The following ZRANB3 variants were observed in gnomAD, a reference collection of about 807,000 sequenced individuals.
ZRANB3 encodes DNA annealing helicase and endonuclease ZRANB3.
A neutral mutation model predicts 133.8 loss-of-function variants in ZRANB3; 125 were observed. That is an observed-to-expected ratio of 0.93 (90% CI 0.81 to 1.08). The LOEUF (loss-of-function observed/expected upper bound fraction) is 1.08, where lower values mean the gene tolerates loss of function less well. ZRANB3 is among the 50% of genes least tolerant of loss of function. The pLI, the probability that ZRANB3 is intolerant of heterozygous loss-of-function variation, is 0.00. For missense variants in ZRANB3, 1,229 were observed against 1,275.5 expected (o/e 0.96, Z 0.56); for synonymous variants, 387 against 432.7 (o/e 0.89, Z 1.31).
At chr2:135,434,706 A>G (rs980555818) in intron 2 of ZRANB3, among the ~76,000 whole-genome samples, 1 of 152,264 alleles carries the variant, frequency 6.6e-6, no homozygotes, top group African/African-American at 2.4e-5. Context: ...TCCATTAAAT[A>G]TGAGTGTACT....
At chr2:135,472,316 C>T (rs1320070976) in intron 2 of ZRANB3, among the ~76,000 whole-genome samples, 2 of 151,860 alleles carry the variant, frequency 1.3e-5, no homozygotes, top group South Asian at 2.1e-4. Context: ...CTGGCTAACA[C>T]GGTGAAACCC....
chr2:135,314,047 A>G (rs1054677919), intron 7 of ZRANB3, among the ~76,000 whole-genome samples: 1 of 152,176 alleles, frequency 6.6e-6, no homozygotes. Flanking sequence ...TATTTTTAGT[A>G]GAGACAGGGT....
intron 1 of ZRANB3, among the ~76,000 whole-genome samples, chr2:135,508,597 T>A (rs563244355): frequency 6.6e-6 from 1 of 152,200 alleles, no homozygotes; most frequent in Non-Finnish European, 1.5e-5. Flanking sequence ...AATTTAAGAT[T>A]ATAGTGTGGT....
At chr2:135,468,807 G>C (rs1057254876) in intron 2 of ZRANB3, among the ~76,000 whole-genome samples, 1 of 152,156 alleles carries the variant, frequency 6.6e-6, no homozygotes, top group Non-Finnish European at 1.5e-5. Flanking sequence ...AGATCTGACA[G>C]ACATATTTGC....
At chr2:135,289,031 T>C (rs13386074) in intron 8 of ZRANB3, among the ~76,000 whole-genome samples, 4,508 of 152,068 alleles carry the variant, frequency 0.03, 209 homozygotes, top group African/African-American at 0.1. Flanking sequence ...GTCTTATTAG[T>C]GCTCTTTCAC....
chr2:135,388,937 G>A (rs1235607331), intron 3 of ZRANB3, among the ~76,000 whole-genome samples: 1 of 152,132 alleles, frequency 6.6e-6, no homozygotes, highest in Non-Finnish European at 1.5e-5. Flanking sequence ...AATTAGCCGG[G>A]TGTGGTGGCA....
chr2:135,336,591 G>A (rs1684380985), intron 6 of ZRANB3, among the ~76,000 whole-genome samples: 3 of 152,294 alleles, frequency 2.0e-5, no homozygotes, highest in Non-Finnish European at 4.4e-5. Flanking sequence ...GAAAGAAAAT[G>A]CCTTTTGAGA....
Position 135,315,563 on chromosome 2 carries a change from T to C in ZRANB3, c.678-33A>G, listed in dbSNP as rs771663281. 112 of 1,374,140 alleles carry C rather than the reference T, an allele frequency of 8.2e-5. 1 individual carries two copies. Among genetic ancestry groups the C allele is most frequent in the Non-Finnish European group, 6.7e-5 (71 of 1,053,556 alleles). 85.1% of individuals were successfully genotyped at this position (1,374,140 alleles called of 1,614,324 possible). A position where few individuals can be genotyped will look rare whatever the true frequency, so the allele number is the denominator to read the frequency against. On this transcript the variant is annotated intron_variant, in intron 6 of 20. Transcript: ENST00000264159. ...AATGAAGACAAAACATGTAGCAAAA[T>C]TGAATGCTGGAGTTAAGAAAATAAT... is the stretch of plus-strand genomic sequence containing the variant.
intron 12 of ZRANB3, among the ~76,000 whole-genome samples, chr2:135,262,159 C>CAAAAAA (rs755264566): frequency 6.3e-5 from 4 of 63,956 alleles, no homozygotes; most frequent in African/African-American, 9.8e-5. Flanking sequence ...ACTCCATCTC[C>CAAAAAA]AAAAAAAAAA....
At chr2:135,517,445 A>G (rs1161990679) in intron 1 of ZRANB3, among the ~76,000 whole-genome samples, 1 of 151,986 alleles carries the variant, frequency 6.6e-6, no homozygotes, top group East Asian at 1.9e-4. Context: ...TGACCTTCAG[A>G]TGGGATTTTT....
At chr2:135,467,571 C>T (rs989858820) in intron 2 of ZRANB3, among the ~76,000 whole-genome samples, 5 of 152,206 alleles carry the variant, frequency 3.3e-5, no homozygotes, top group African/African-American at 7.2e-5. Context: ...TCTCAGAAAC[C>T]TTTACTATTG....
In ZRANB3 at chr2:135,390,900, C is replaced by G. The variant is rs1687201439; in HGVS notation, c.162-80G>C. 12 of 1,400,076 alleles carry G rather than the reference C, an allele frequency of 8.6e-6. No homozygotes were observed. The Middle Eastern group carries it at 8.2e-4, about 95-fold the overall frequency. The allele number at this position is 1,400,076 out of a possible 1,614,324, so 86.7% of individuals were successfully genotyped here. A position where few individuals can be genotyped will look rare whatever the true frequency, so the allele number is the denominator to read the frequency against. ...TTTTTGAGATGGAGTCTCGCTCTGT[C>G]ACCAGGCTGGAGTGCAGTGGTGCGA... On this transcript the variant is annotated intron_variant, in intron 2 of 20. Coordinates refer to ENST00000264159, the MANE Select transcript of ZRANB3 (RefSeq NM_032143.4).
At chr2:135,461,104 G>A (rs1352253995) in intron 2 of ZRANB3, among the ~76,000 whole-genome samples, 1 of 152,148 alleles carries the variant, frequency 6.6e-6, no homozygotes, top group East Asian at 1.9e-4. Flanking sequence ...GCCTGAAAAT[G>A]ACCACTGAAG....
At chr2:135,501,177 AT>A (rs565857039) in intron 2 of ZRANB3, among the ~76,000 whole-genome samples, 47 of 151,852 alleles carry the variant, frequency 3.1e-4, no homozygotes, top group African/African-American at 1.0e-3. Flanking sequence ...AATTAGACTG[AT>A]TTTTTTTTAT....
intron 2 of ZRANB3, among the ~76,000 whole-genome samples, chr2:135,437,768 T>C (rs1689610232): frequency 6.6e-6 from 1 of 152,158 alleles, no homozygotes. Context: ...GAGAATCTAA[T>C]ATAGTTAATT....
chr2:135,337,503 ATT>A (rs1684419536), intron 6 of ZRANB3, among the ~76,000 whole-genome samples: 1 of 152,208 alleles, frequency 6.6e-6, no homozygotes, highest in Admixed American at 6.5e-5. Context: ...GCTGCTGTTG[ATT>A]TCCTAGTGGA....
intron 2 of ZRANB3, among the ~76,000 whole-genome samples, chr2:135,430,296 G>A (rs991761885): frequency 3.3e-5 from 5 of 151,908 alleles, no homozygotes; most frequent in Admixed American, 6.6e-5. Flanking sequence ...TGATATGATC[G>A]CAGGAACTAT....
rs114488911 is a variant in ZRANB3 at position 135,219,379 on chromosome 2, C to T, written c.2251-201G>A. Among the ~76,000 whole-genome samples, 177 of 152,342 alleles carry T rather than the reference C, an allele frequency of 1.2e-3. 1 individual carries two copies. Among genetic ancestry groups the T allele is most frequent in the Admixed American group, 1.9e-3 (29 of 15,300 alleles). On this transcript the variant is annotated intron_variant, in intron 15 of 20. Coordinates refer to ENST00000264159, the MANE Select transcript of ZRANB3 (RefSeq NM_032143.4). ...CAAGAAGAGGAGGCAGGCTCTCTACCGCACTGGATGCCTCCATTGCCCATG... is the reference window on the plus strand; with the variant it reads ...CAAGAAGAGGAGGCAGGCTCTCTACTGCACTGGATGCCTCCATTGCCCATG...
chr2:135,348,487 G>C (rs890253827), intron 5 of ZRANB3, among the ~76,000 whole-genome samples: 4 of 152,110 alleles, frequency 2.6e-5, no homozygotes, highest in Admixed American at 2.0e-4. Flanking sequence ...CATCAGAGTA[G>C]GATGTAAGAG....
Sources: allele counts gnomAD v4.1 joint callset (sites outside exome capture counted in the v4.1 genomes callset), GRCh38; gene constraint gnomAD v4.1.1; transcripts MANE v1.5; gene names NCBI Gene and HGNC (gene_info 2026-07-23, HGNC 2026-07-21).